Variants in COL2A1 observed in about 807,000 individuals in gnomAD.
The protein encoded by COL2A1 is collagen alpha-1(II) chain.
Under a neutral mutation model 204.5 loss-of-function variants are expected in COL2A1, and 28 were observed. The observed-to-expected ratio is 0.14, with a 90% CI of 0.10 to 0.19. The LOEUF (loss-of-function observed/expected upper bound fraction) is 0.19. Among genes scored for constraint, COL2A1 ranks in the 10% least tolerant of loss-of-function variants. The pLI, the probability that COL2A1 is intolerant of heterozygous loss-of-function variation, is 1.00. For synonymous variants in COL2A1, 708 were observed against 718.7 expected, an observed-to-expected ratio of 0.99 and a Z score of 0.24; for missense variants, 1,388 against 2,027.5, an observed-to-expected ratio of 0.68 and a Z score of 6.06.
At chr12:47,993,551 G>C (rs41317905) in intron 14 of COL2A1, 49 bp from the exon 15 acceptor site, 1 of 1,531,040 alleles carries the variant, frequency 6.5e-7, no homozygotes, top group East Asian at 2.2e-5. Context: ...ATTCTTGGCC[G>C]CCAGCAAACT....
At chr12:48,001,921 A>G (rs1247903205) in intron 1 of COL2A1, among the ~76,000 whole-genome samples, 1 of 152,184 alleles carries the variant, frequency 6.6e-6, no homozygotes, top group Non-Finnish European at 1.5e-5. Flanking sequence ...CAAGCCAATT[A>G]AAAAGCTACC....
chr12:47,989,559 G>C (rs1016712068), intron 17 of COL2A1, among the ~76,000 whole-genome samples: 1 of 152,230 alleles, frequency 6.6e-6, no homozygotes, highest in Non-Finnish European at 1.5e-5. Context: ...AAGGATGGCT[G>C]AGGAAAATGA....
Position 47,978,014 on chromosome 12 carries a change from C to T in COL2A1, c.3107G>A (p.Arg1036Gln), listed in dbSNP as rs201956851. 2.4e-5 allele frequency: 38 copies of T among 1,613,398 alleles called. 1 individual carries two copies. In the East Asian group the frequency reaches 6.7e-4, roughly 28 times the overall value. The change falls in exon 44 of 54, where the codon CGA becomes CAA. Residue 1036 changes from arginine (R) to glutamine (Q), a missense_variant. Coordinates refer to ENST00000380518, the MANE Select transcript of COL2A1 (RefSeq NM_001844.5). This position sits in a 1 kb window ranked among gnomAD's most constrained non-coding sequence, Gnocchi z 5.5. Reference sequence around the variant, plus strand: ...CCAGGGGGTCTCACTGCTCACCTCTCGTCCAGGTTCACCTGCAGGACCCGT... The same window carrying T: ...CCAGGGGGTCTCACTGCTCACCTCTTGTCCAGGTTCACCTGCAGGACCCGT... Reference protein sequence around the residue: ...GLTGPAGEPGREGSPGADGPP... With the variant: ...GLTGPAGEPGQEGSPGADGPP...
At chr12:47,988,261 A>AC (rs1278999860) in intron 18 of COL2A1, among the ~76,000 whole-genome samples, 1 of 152,168 alleles carries the variant, frequency 6.6e-6, no homozygotes, top group African/African-American at 2.4e-5. Flanking sequence ...AGGCAAAAGC[A>AC]CATGGGGACT....
At position 47,977,112 on chromosome 12, in the gene COL2A1, C is replaced by T. The variant is rs1453392906; in HGVS notation, c.3317G>A (p.Arg1106Gln). ...PMGPSGPAGA[R>Q]GIQGPQGPRG... is the part of the protein sequence containing the mutation. ...CACTTGGATACTCACCTGGATTCCCCGGGCTCCAGCTGGTCCTGAGGGTCC... is the reference window on the plus strand; with the variant it reads ...CACTTGGATACTCACCTGGATTCCCTGGGCTCCAGCTGGTCCTGAGGGTCC... The change falls in exon 47 of 54, where the codon CGG (arginine) becomes CAG (glutamine). Residue 1106 changes from arginine to glutamine, a missense_variant. Physicochemically the swap from Arg to Gln is conservative, Grantham distance 43. Coordinates refer to ENST00000380518, the MANE Select transcript of COL2A1 (RefSeq NM_001844.5). 7 of 1,607,638 alleles carry T rather than the reference C, an allele frequency of 4.4e-6. No individual in the cohort carries two copies. Among genetic ancestry groups the T allele is most frequent in the East Asian group, 2.2e-5 (1 of 44,684 alleles).
At chr12:47,991,771 C>A (rs1008960833) in intron 16 of COL2A1, among the ~76,000 whole-genome samples, 1 of 152,212 alleles carries the variant, frequency 6.6e-6, no homozygotes, top group Non-Finnish European at 1.5e-5. Context: ...CTCTGAGCCT[C>A]GCTAAAAGGC....
At position 47,973,548 on chromosome 12, in the gene COL2A1, A is replaced by G. The variant is rs760887528; in HGVS notation, c.4323T>C (p.His1441=). ...YTALKDGCTK[H]TGKWGKTVIE... is the part of the protein sequence containing the mutation. ...TAACAGTCTTGCCCCACTTACCGGTATGTTTCTAGGGGAGAAAAAAGGAGG... is the reference window on the plus strand; with the variant it reads ...TAACAGTCTTGCCCCACTTACCGGTGTGTTTCTAGGGGAGAAAAAAGGAGG... The change falls in exon 54 of 54, where the codon CAT becomes CAC. Residue 1441 remains histidine, a synonymous_variant. Transcript: ENST00000380518. 2 of 1,614,050 alleles carry G rather than the reference A, an allele frequency of 1.2e-6. No individual in the cohort carries two copies. Among genetic ancestry groups the G allele is most frequent in the African/African-American group, 1.3e-5 (1 of 74,998 alleles).
rs1938877664 is a variant in COL2A1, at chr12:47,978,797, C to G, written c.2734-39G>C. On this transcript the variant is annotated intron_variant, in intron 41 of 53. Coordinates refer to ENST00000380518, the MANE Select transcript of COL2A1 (RefSeq NM_001844.5). This position sits in a 1 kb window ranked among gnomAD's most constrained non-coding sequence, Gnocchi z 5.5. ...ATGCGGGAAGTGAGGACTCATCTCACCCTTCCTCATCCAGGCTGCCAAAGT... is the reference window on the plus strand; with the variant it reads ...ATGCGGGAAGTGAGGACTCATCTCAGCCTTCCTCATCCAGGCTGCCAAAGT... 6.2e-7 allele frequency: 1 copy of G among 1,605,292 alleles called. No homozygotes were observed. Among genetic ancestry groups the G allele is most frequent in the African/African-American group, 1.4e-5 (1 of 70,856 alleles).
Position 47,980,295 on chromosome 12 carries a change from C to T in COL2A1, c.2626-233G>A, listed in dbSNP as rs567416609. 6.6e-6 allele frequency among the ~76,000 whole-genome samples: 1 copy of T among 152,260 alleles called. No individual in the cohort carries two copies. The highest frequency in any genetic ancestry group is 2.4e-5 in the African/African-American group (1 of 41,552). ...AGAACCGGTCTGGGGTCTGGCCTCC[C>T]GGGAAGCTCTTCCTGCCACCGCCCC... On this transcript the variant is annotated intron_variant, in intron 39 of 53. Coordinates refer to ENST00000380518, the MANE Select transcript of COL2A1 (RefSeq NM_001844.5). This position sits in a 1 kb window ranked among gnomAD's most constrained non-coding sequence, Gnocchi z 4.5.
chr12:47,980,010 G>C lies in COL2A1; in HGVS notation c.2678C>G (p.Pro893Arg). ...PKGARGAQGP[P>R]GATGFPGAAG... Reference sequence around the variant, plus strand: ...TGGGGTGTCAGAGGCCTCACTCACCGGGGGGCCTTGGGCACCTCGGGCTCC... The same window carrying C: ...TGGGGTGTCAGAGGCCTCACTCACCCGGGGGCCTTGGGCACCTCGGGCTCC... The change falls in exon 40 of 54, where the codon CCG (proline) becomes CGG (arginine). Residue 893 changes from proline to arginine, a missense_variant and splice_region_variant. Transcript: ENST00000380518. This position sits in a 1 kb window ranked among gnomAD's most constrained non-coding sequence, Gnocchi z 4.5. 6.4e-7 allele frequency: 1 copy of C among 1,553,676 alleles called. No homozygotes were observed. The highest frequency in any genetic ancestry group is 1.2e-5 in the South Asian group (1 of 84,186).
chr12:47,996,048 T>A, intron 8 of COL2A1, 129 bp from the exon 9 acceptor site: 1 of 737,596 alleles, frequency 1.4e-6, no homozygotes, highest in South Asian at 1.5e-5. Context: ...GGGCCTAGAG[T>A]GGCTGCTCCC....
Position 47,984,978 on chromosome 12 carries a change from A to G in COL2A1, c.1833+17T>C, listed in dbSNP as rs1939311514. 6.2e-7 allele frequency: 1 copy of G among 1,607,322 alleles called. No individual in the cohort carries two copies. Among genetic ancestry groups the G allele is most frequent in the African/African-American group, 1.3e-5 (1 of 74,794 alleles). ...AGCACCACATGGAAGGAAATAGAAGAGCAAATTATTACTTACGTTGGCACC... is the reference window on the plus strand; with the variant it reads ...AGCACCACATGGAAGGAAATAGAAGGGCAAATTATTACTTACGTTGGCACC... On this transcript the variant is annotated intron_variant, in intron 27 of 53. Coordinates refer to ENST00000380518, the MANE Select transcript of COL2A1 (RefSeq NM_001844.5).
chr12:47,984,655 G>T, intron 27 of COL2A1, 56 bp from the exon 28 acceptor site: 1 of 1,540,888 alleles, frequency 6.5e-7, no homozygotes, highest in Non-Finnish European at 9.0e-7. Flanking sequence ...GGAGTTGGGG[G>T]CAGAGCGGGC....
chr12:47,989,163 G>T, intron 18 of COL2A1, 65 bp downstream of exon 18: 1 of 1,386,186 alleles, frequency 7.2e-7, no homozygotes. Context: ...CAATGAGCAA[G>T]GGTTACGGGG....
intron 37 of COL2A1, 58 bp from the exon 38 acceptor site, chr12:47,981,026 T>G: frequency 6.6e-7 from 1 of 1,514,474 alleles, no homozygotes; most frequent in Non-Finnish European, 8.9e-7. Context: ...CTGCTTCTGC[T>G]CCCCTCCAAG....
At chr12:48,002,011 G>A (rs948053055) in intron 1 of COL2A1, among the ~76,000 whole-genome samples, 1 of 152,150 alleles carries the variant, frequency 6.6e-6, no homozygotes, top group African/African-American at 2.4e-5. Flanking sequence ...GGCACAGGGG[G>A]GCATTGTGGG....
chr12:47,993,019 C>G, intron 15 of COL2A1, 88 bp from the exon 16 acceptor site: 8 of 1,285,204 alleles, frequency 6.2e-6, no homozygotes, highest in Non-Finnish European at 9.0e-6. Flanking sequence ...TTTGCGGATA[C>G]CAGAGGAGAG....
intron 44 of COL2A1, 54 bp downstream of exon 44, chr12:47,977,956 C>T: frequency 1.3e-6 from 2 of 1,505,594 alleles, no homozygotes; most frequent in East Asian, 2.3e-5. Flanking sequence ...AGCACAGAGA[C>T]TCACAGGGCC....
chr12:47,981,228 C>A (rs1793938), intron 37 of COL2A1, 115 bp downstream of exon 37: 1 of 1,180,032 alleles, frequency 8.5e-7, no homozygotes, highest in Non-Finnish European at 1.2e-6. Flanking sequence ...GGGAGGGAGC[C>A]AGTGCCTGGC....
Sources: gnomAD v4.1 joint callset for allele counts (sites outside exome capture counted in the v4.1 genomes callset) on GRCh38, gnomAD v4.1.1 for gene constraint, Gnocchi (gnomAD v3.1) non-coding constraint, MANE v1.5 for transcripts, NCBI Gene and HGNC (gene_info 2026-07-23, HGNC 2026-07-21) for gene names.